The following EML1 variants were observed in gnomAD, a reference collection of about 807,000 sequenced individuals.
EML1 encodes echinoderm microtubule-associated protein-like 1.
Under a neutral mutation model 110.4 loss-of-function variants are expected in EML1, and 27 were observed. That is an observed-to-expected ratio of 0.24 (90% confidence interval 0.18 to 0.34). The LOEUF (loss-of-function observed/expected upper bound fraction) is 0.34. Ranked by LOEUF, EML1 falls within the 10% of genes least tolerant of loss-of-function variation. The pLI is 1.00. For synonymous variants in EML1, 344 were observed against 385.8 expected (o/e 0.89, Z 1.27); for missense variants, 741 against 1,030.9 (o/e 0.72, Z 3.85).
chr14:99,739,091 T>TGTGTGTGTGA (rs112232539), intron 1 of EML1, among the ~76,000 whole-genome samples: 11 of 136,502 alleles, frequency 8.1e-5, no homozygotes, highest in South Asian at 2.5e-4. Context: ...TGTGTGTGTG[T>TGTGTGTGTGA]GAGAGAGAGA....
At chr14:99,785,764 G>C (rs765075707) in intron 1 of EML1, among the ~76,000 whole-genome samples, 5 of 152,066 alleles carry the variant, frequency 3.3e-5, no homozygotes, top group Non-Finnish European at 7.4e-5. Context: ...AAGCAACGGA[G>C]AGGCTCCTTC....
chr14:99,831,383 C>T (rs2058449644), intron 1 of EML1, among the ~76,000 whole-genome samples: 2 of 152,154 alleles, frequency 1.3e-5, no homozygotes, highest in African/African-American at 4.8e-5. Flanking sequence ...GGGACAGGTA[C>T]CCTGGAAAGG....
intron 1 of EML1, among the ~76,000 whole-genome samples, chr14:99,788,127 C>T (rs2057620560): frequency 6.6e-6 from 1 of 152,170 alleles, no homozygotes; most frequent in African/African-American, 2.4e-5. Context: ...CTTGCTCTAC[C>T]CACGGCTGTT....
chr14:99,881,228 C>G (rs2059379433), intron 4 of EML1, among the ~76,000 whole-genome samples: 1 of 152,192 alleles, frequency 6.6e-6, no homozygotes, highest in Non-Finnish European at 1.5e-5. Flanking sequence ...GGATGGCTTC[C>G]ACCCTGTGCT....
chr14:99,763,966 G>A (rs527875573), intron 1 of EML1, among the ~76,000 whole-genome samples: 15 of 152,306 alleles, frequency 9.8e-5, no homozygotes, highest in South Asian at 6.2e-4. Flanking sequence ...GCAGCTGGGG[G>A]TGTGTTGGGG....
chr14:99,903,202 T>A lies in EML1; in HGVS notation c.1008+2163T>A, dbSNP rs149994815. Among the ~76,000 whole-genome samples, 1,298 of 152,288 alleles carry A rather than the reference T, an allele frequency of 8.5e-3. 12 individuals are homozygous for A. Among genetic ancestry groups the A allele is most frequent in the African/African-American group, 0.03 (1,234 of 41,560 alleles). On this transcript the variant is annotated intron_variant, in intron 9 of 21. Coordinates refer to ENST00000262233, the MANE Select transcript of EML1 (RefSeq NM_004434.3). Reference sequence around the variant, plus strand: ...TCTTGTCTTTGAAAAAAGCAAAGGATCAGCAACATTTTAAGCAAAGTCAAA... The same window carrying A: ...TCTTGTCTTTGAAAAAAGCAAAGGAACAGCAACATTTTAAGCAAAGTCAAA...
intron 1 of EML1, among the ~76,000 whole-genome samples, chr14:99,751,642 C>G (rs1055272967): frequency 1.3e-5 from 2 of 152,160 alleles, no homozygotes; most frequent in East Asian, 3.9e-4. Flanking sequence ...CGAGAAGGAC[C>G]TCAGGGATGT....
chr14:99,934,787 C>A (rs1173621072), intron 17 of EML1, among the ~76,000 whole-genome samples: 2 of 152,192 alleles, frequency 1.3e-5, no homozygotes, highest in Non-Finnish European at 2.9e-5. Flanking sequence ...CACCTCCTGG[C>A]CGTGTTTCCT....
At chr14:99,774,484 C>T (rs2057460583) in intron 1 of EML1, among the ~76,000 whole-genome samples, 1 of 152,110 alleles carries the variant, frequency 6.6e-6, no homozygotes, top group Non-Finnish European at 1.5e-5. Context: ...ACCCTTTTTC[C>T]TTCCCTCACC....
In EML1 at chr14:99,911,308, A is replaced by G. The variant is rs936250091; in HGVS notation, c.1340-114A>G. On this transcript the variant is annotated intron_variant, in intron 12 of 21. Coordinates refer to ENST00000262233, the MANE Select transcript of EML1 (RefSeq NM_004434.3). The stretch of plus-strand genomic sequence containing the variant: ...GGATCCTTCATAGATTCATATTGCA[A>G]TGATGTGCTCACGGACAATATTGCG... The G allele has an allele frequency of 1.3e-5, 16 of 1,239,348 alleles. No homozygotes were observed. The African/African-American group carries it at 2.2e-4, about 17-fold the overall frequency. 76.8% of individuals were successfully genotyped at this position (1,239,348 alleles called of 1,614,324 possible). A position where few individuals can be genotyped will look rare whatever the true frequency, so the allele number is the denominator to read the frequency against.
chr14:99,914,070 T>C, intron 13 of EML1, 109 bp from the exon 14 acceptor site: 1 of 1,292,096 alleles, frequency 7.7e-7, no homozygotes, highest in South Asian at 1.5e-5. Flanking sequence ...TACATATGTG[T>C]ATATAAAACT....
chr14:99,831,867 C>CT lies in EML1; in HGVS notation c.68-18984dup, dbSNP rs1256646154. Among the ~76,000 whole-genome samples the CT allele has an allele frequency of 1.5e-4, 22 of 143,558 alleles. No homozygotes were observed. In the South Asian group the frequency reaches 4.4e-3, roughly 28 times the overall value. The allele number at this position is 143,558 out of a possible 152,430, so 94.2% of individuals were successfully genotyped here. A position where few individuals can be genotyped will look rare whatever the true frequency, so the allele number is the denominator to read the frequency against. ...GATGGGATTTTTTTTTTTTTTGCTG[C>CT]TTCCTCCCCTTAACAAAAAAGCTTT... On this transcript the variant is annotated intron_variant, in intron 1 of 21. Coordinates refer to ENST00000262233, the MANE Select transcript of EML1 (RefSeq NM_004434.3).
At chr14:99,851,761 G>A (rs971306257) in intron 2 of EML1, among the ~76,000 whole-genome samples, 1 of 152,114 alleles carries the variant, frequency 6.6e-6, no homozygotes, top group African/African-American at 2.4e-5. Context: ...ATTCAGTTCA[G>A]CATAGCAACA....
chr14:99,777,090 C>A (rs2057490578), intron 1 of EML1, among the ~76,000 whole-genome samples: 1 of 152,182 alleles, frequency 6.6e-6, no homozygotes, highest in Non-Finnish European at 1.5e-5. Flanking sequence ...TCCCAGCAGC[C>A]AACCCACAGA....
intron 17 of EML1, 141 bp downstream of exon 17, chr14:99,921,018 C>G: frequency 1.4e-6 from 1 of 707,196 alleles, no homozygotes; most frequent in East Asian, 2.8e-5. Flanking sequence ...AACCCATCAC[C>G]CACGTATTAA....
intron 12 of EML1, among the ~76,000 whole-genome samples, chr14:99,911,175 C>T (rs2059939523): frequency 6.6e-6 from 1 of 152,172 alleles, no homozygotes. Flanking sequence ...AGCCCACGTT[C>T]TCAGCCGCGT....
intron 2 of EML1, among the ~76,000 whole-genome samples, chr14:99,859,669 C>T (rs879453143): frequency 5.9e-5 from 9 of 152,100 alleles, no homozygotes; most frequent in Middle Eastern, 3.2e-3. Context: ...CCCCACTCTG[C>T]CTTGGTGTAA....
chr14:99,856,505 T>C (rs959601355), intron 2 of EML1, among the ~76,000 whole-genome samples: 1 of 152,242 alleles, frequency 6.6e-6, no homozygotes, highest in Non-Finnish European at 1.5e-5. Context: ...CTTAGTTCTT[T>C]ATCCTGGTTA....
chr14:99,761,131 T>C (rs1167657303), intron 1 of EML1, among the ~76,000 whole-genome samples: 1 of 152,120 alleles, frequency 6.6e-6, no homozygotes. Flanking sequence ...ATTCCCACCT[T>C]ACCGATGAGA....
Sources: gnomAD v4.1 joint callset for allele counts (sites outside exome capture counted in the v4.1 genomes callset) on GRCh38, gnomAD v4.1.1 for gene constraint, MANE v1.5 for transcripts, NCBI Gene and HGNC (gene_info 2026-07-23, HGNC 2026-07-21) for gene names.